STXBP5L: variants seen among roughly 807,000 people sequenced by gnomAD.
STXBP5L encodes syntaxin binding protein 5L.
In STXBP5L, 65 loss-of-function variants were observed where a neutral mutation model predicts 144.5. That is an observed-to-expected ratio of 0.45 (90% CI 0.37 to 0.55). STXBP5L has a LOEUF of 0.55. Ranked by LOEUF, STXBP5L falls within the 20% of genes least tolerant of loss-of-function variation. The pLI, the probability that STXBP5L is intolerant of heterozygous loss-of-function variation, is 0.00. For missense variants in STXBP5L, 1,298 were observed against 1,405.5 expected, an observed-to-expected ratio of 0.92 and a Z score of 1.22; for synonymous variants, 505 against 469.6, an observed-to-expected ratio of 1.08 and a Z score of -0.97.
At chr3:121,100,148 G>C (rs1179349410) in intron 5 of STXBP5L, among the ~76,000 whole-genome samples, 1 of 152,122 alleles carries the variant, frequency 6.6e-6, no homozygotes, top group African/African-American at 2.4e-5. Flanking sequence ...CACAATAAGA[G>C]TGAGGTCTTT....
At chr3:121,138,153 A>G (rs1350327819) in intron 7 of STXBP5L, among the ~76,000 whole-genome samples, 1 of 152,046 alleles carries the variant, frequency 6.6e-6, no homozygotes. Flanking sequence ...TGAAAGAAAT[A>G]AACAATTCTA....
intron 13 of STXBP5L, among the ~76,000 whole-genome samples, chr3:121,240,076 G>A (rs1389469174): frequency 6.6e-6 from 1 of 152,006 alleles, no homozygotes; most frequent in Non-Finnish European, 1.5e-5. Context: ...TCTTGGGATG[G>A]ACAACTTCAA....
At chr3:121,036,770 T>A (rs1367535993) in intron 3 of STXBP5L, among the ~76,000 whole-genome samples, 1 of 108,946 alleles carries the variant, frequency 9.2e-6, no homozygotes, top group Non-Finnish European at 1.8e-5. Context: ...TTACATTGAT[T>A]GATTTTTTTT....
chr3:121,077,333 G>A (rs146582427), intron 5 of STXBP5L, among the ~76,000 whole-genome samples: 26 of 152,236 alleles, frequency 1.7e-4, no homozygotes, highest in African/African-American at 5.8e-4. Flanking sequence ...ATGAAGCCGC[G>A]GACCTTCATG....
rs1259966985 is a variant in STXBP5L, at chr3:121,407,310, G to C, written c.2655G>C (p.Met885Ile). ...FSCMDRMGGL[M>I]QPPYEVWRDP... is the part of the protein sequence containing the mutation. ...GTATGGACCGAATGGGTGGATTAAT[G>C]CAACCGCCATATGAAGTTTGGAGGG... Residue 885 changes from methionine (M) to isoleucine (I), a missense_variant, in exon 23 of 27, where the codon ATG becomes ATC. Transcript: ENST00000471454. 1 of 1,611,708 alleles carries C rather than the reference G, an allele frequency of 6.2e-7. No homozygotes were observed. Among genetic ancestry groups the C allele is most frequent in the Non-Finnish European group, 8.5e-7 (1 of 1,178,878 alleles).
At chr3:121,239,230 TTTAAGTTA>T (rs1265873393) in intron 13 of STXBP5L, 112 bp downstream of exon 13, 1 of 583,714 alleles carries the variant, frequency 1.7e-6, no homozygotes, top group East Asian at 3.3e-5. Context: ...CTAAATTCTT[TTTAAGTTA>T]TAAGCCAACA....
chr3:121,214,329 T>C (rs987335748), intron 10 of STXBP5L, among the ~76,000 whole-genome samples: 2 of 152,212 alleles, frequency 1.3e-5, no homozygotes, highest in Admixed American at 1.3e-4. Context: ...TTTCTTGCTT[T>C]CTCCTGTGGG....
chr3:121,080,385 G>GT lies in STXBP5L; in HGVS notation c.471-34531dup, dbSNP rs777941392. On this transcript the variant is annotated intron_variant, in intron 5 of 26. Coordinates refer to ENST00000471454, the MANE Select transcript of STXBP5L (RefSeq NM_001308330.2). The stretch of plus-strand genomic sequence containing the variant: ...ATCATGTTAGTTGCCTAAATACTTT[G>GT]TTTTTTTTTAAATTGTGTTATTGTT... Among the ~76,000 whole-genome samples, 526 of 151,168 alleles carry GT rather than the reference G, an allele frequency of 3.5e-3. 4 individuals are homozygous for GT. Among genetic ancestry groups the GT allele is most frequent in the Non-Finnish European group, 1.5e-3 (103 of 67,584 alleles).
chr3:121,081,021 A>G (rs776271908), intron 5 of STXBP5L, among the ~76,000 whole-genome samples: 62 of 152,138 alleles, frequency 4.1e-4, no homozygotes, highest in Non-Finnish European at 5.3e-4. Context: ...GCTGTTTAAC[A>G]TAATCTCATA....
chr3:121,057,242 C>T (rs975114268), intron 5 of STXBP5L, among the ~76,000 whole-genome samples: 2 of 151,818 alleles, frequency 1.3e-5, no homozygotes, highest in Non-Finnish European at 2.9e-5. Flanking sequence ...AAAATTAATG[C>T]TACATGTTAA....
intron 3 of STXBP5L, among the ~76,000 whole-genome samples, chr3:120,984,809 A>G (rs943324116): frequency 6.6e-6 from 1 of 151,782 alleles, no homozygotes; most frequent in Non-Finnish European, 1.5e-5. Flanking sequence ...TTATTCACAT[A>G]TAGCCTTTAT....
chr3:121,055,307 A>G (rs1302906108), intron 5 of STXBP5L, among the ~76,000 whole-genome samples: 2 of 152,142 alleles, frequency 1.3e-5, no homozygotes, highest in Non-Finnish European at 2.9e-5. Context: ...ACATTCTCCA[A>G]AACATCTGAT....
intron 11 of STXBP5L, among the ~76,000 whole-genome samples, chr3:121,231,742 C>A (rs1193927531): frequency 6.6e-6 from 1 of 152,088 alleles, no homozygotes; most frequent in African/African-American, 2.4e-5. Flanking sequence ...CTAGGAGTAC[C>A]TAAAAGGGCT....
At chr3:121,347,402 G>C (rs1192098063) in intron 20 of STXBP5L, among the ~76,000 whole-genome samples, 1 of 152,160 alleles carries the variant, frequency 6.6e-6, no homozygotes, top group Non-Finnish European at 1.5e-5. Context: ...CTCCAGCTTT[G>C]TTCTCTTGGC....
At chr3:121,190,024 AT>A (rs2047575067) in intron 9 of STXBP5L, among the ~76,000 whole-genome samples, 1 of 151,652 alleles carries the variant, frequency 6.6e-6, no homozygotes, top group Admixed American at 6.6e-5. Context: ...AAAACTGTCC[AT>A]TTTAATAAGC....
intron 23 of STXBP5L, among the ~76,000 whole-genome samples, chr3:121,412,931 G>A (rs1395964618): frequency 1.3e-5 from 2 of 151,962 alleles, no homozygotes; most frequent in Non-Finnish European, 2.9e-5. Context: ...CTACTCAGGA[G>A]GCTGAGGCGT....
intron 14 of STXBP5L, among the ~76,000 whole-genome samples, chr3:121,243,123 A>G (rs540669665): frequency 3.3e-5 from 5 of 152,302 alleles, no homozygotes; most frequent in African/African-American, 1.2e-4. Context: ...AGAGCGGAAG[A>G]TATACACAAT....
intron 12 of STXBP5L, among the ~76,000 whole-genome samples, chr3:121,236,094 G>T (rs2049473786): frequency 6.6e-6 from 1 of 152,018 alleles, no homozygotes; most frequent in Non-Finnish European, 1.5e-5. Flanking sequence ...TTTTAAATTT[G>T]ATTCTGAACT....
At chr3:121,384,655 G>A (rs3914164) in intron 22 of STXBP5L, among the ~76,000 whole-genome samples, 19,272 of 151,834 alleles carry the variant, frequency 0.13, 1,361 homozygotes, top group Middle Eastern at 0.18. Context: ...CTTATAAATC[G>A]TGAAGAAGGA....
Sources: allele counts gnomAD v4.1 joint callset (sites outside exome capture counted in the v4.1 genomes callset), GRCh38; gene constraint gnomAD v4.1.1; transcripts MANE v1.5; gene names NCBI Gene and HGNC (gene_info 2026-07-23, HGNC 2026-07-21).